GTF2IRD1: variants seen among roughly 807,000 people sequenced by gnomAD.
GTF2IRD1 encodes the protein GTF2I repeat domain containing 1.
In GTF2IRD1, 26 loss-of-function variants were observed where a neutral mutation model predicts 113.2. The observed-to-expected ratio is 0.23, with a 90% confidence interval of 0.17 to 0.32. The LOEUF is 0.32. Ranked by LOEUF, GTF2IRD1 falls within the 10% of genes least tolerant of loss-of-function variation. The pLI, the probability that GTF2IRD1 is intolerant of heterozygous loss-of-function variation, is 1.00. For missense variants in GTF2IRD1, 864 were observed against 1,280.8 expected, an observed-to-expected ratio of 0.67 and a Z score of 4.97; for synonymous variants, 484 against 529.1, an observed-to-expected ratio of 0.91 and a Z score of 1.17.
chr7:74,454,261 G>C (rs1302712971), intron 1 of GTF2IRD1, 85 bp downstream of exon 1: 2 of 63,710 alleles, frequency 3.1e-5, no homozygotes, highest in South Asian at 3.5e-4. Context: ...TCCGCCTCCG[G>C]GGGGGGGGGT....
At chr7:74,504,054 C>G (rs1043867609) in intron 1 of GTF2IRD1, among the ~76,000 whole-genome samples, 1 of 152,164 alleles carries the variant, frequency 6.6e-6, no homozygotes, top group Non-Finnish European at 1.5e-5. Context: ...ATAATGATGT[C>G]CAGCTACTTC....
chr7:74,513,080 G>A (rs1796727479), intron 3 of GTF2IRD1, 109 bp downstream of exon 3: 2 of 1,039,774 alleles, frequency 1.9e-6, no homozygotes, highest in Non-Finnish European at 2.8e-6. Flanking sequence ...CGGTGTGTGG[G>A]GAGTGAACCT....
intron 1 of GTF2IRD1, among the ~76,000 whole-genome samples, chr7:74,504,282 A>G (rs1554340403): frequency 7.2e-5 from 11 of 152,112 alleles, no homozygotes. Context: ...CATTTGGGAT[A>G]TTTCTCTTCC....
intron 6 of GTF2IRD1, among the ~76,000 whole-genome samples, chr7:74,520,089 CAAAAAAAAAAAAAAAAA>C (rs61019711): frequency 2.8e-4 from 7 of 24,590 alleles, no homozygotes; most frequent in South Asian, 4.2e-3. Flanking sequence ...AGCTCTGTCT[CAAAAAAAAAAAAAAAAA>C]AAAAAAAAAA....
chr7:74,530,622 G>C (rs587741087), intron 9 of GTF2IRD1, among the ~76,000 whole-genome samples: 25 of 148,904 alleles, frequency 1.7e-4, no homozygotes, highest in African/African-American at 2.2e-4. Flanking sequence ...CGGCAGGGGT[G>C]GGGGGAAGGG....
chr7:74,578,680 T>A (rs1177854415), intron 22 of GTF2IRD1, among the ~76,000 whole-genome samples: 1 of 152,170 alleles, frequency 6.6e-6, no homozygotes, highest in Non-Finnish European at 1.5e-5. Flanking sequence ...GCTTCCATTG[T>A]TTTGCTGTTA....
intron 1 of GTF2IRD1, among the ~76,000 whole-genome samples, chr7:74,460,133 G>A (rs1199575997): frequency 1.3e-5 from 2 of 151,660 alleles, no homozygotes; most frequent in Non-Finnish European, 2.9e-5. Flanking sequence ...ACGCCACCGT[G>A]CCCGGCTAAT....
At chr7:74,492,257 G>A (rs1554336915) in intron 1 of GTF2IRD1, among the ~76,000 whole-genome samples, 1 of 148,934 alleles carries the variant, frequency 6.7e-6, no homozygotes, top group East Asian at 2.0e-4. Flanking sequence ...CGCAAGCTCT[G>A]CCTCCCGGGT....
At chr7:74,594,663 C>T (rs1366989330) in intron 24 of GTF2IRD1, among the ~76,000 whole-genome samples, 1 of 152,076 alleles carries the variant, frequency 6.6e-6, no homozygotes, top group African/African-American at 2.4e-5. Flanking sequence ...CAGCCAGACA[C>T]CTGGATTCTC....
intron 7 of GTF2IRD1, among the ~76,000 whole-genome samples, chr7:74,522,302 G>A (rs759757279): frequency 6.6e-6 from 1 of 151,688 alleles, no homozygotes; most frequent in African/African-American, 2.4e-5. Flanking sequence ...CTGAGTGTAG[G>A]AAAGTTTGGG....
At chr7:74,461,948 C>A (rs1185791595) in intron 1 of GTF2IRD1, among the ~76,000 whole-genome samples, 2 of 152,178 alleles carry the variant, frequency 1.3e-5, no homozygotes, top group Non-Finnish European at 2.9e-5. Flanking sequence ...TTGCCTGGCT[C>A]ACACCCTTAT....
chr7:74,496,406 C>T (rs542470123), intron 1 of GTF2IRD1, among the ~76,000 whole-genome samples: 1 of 128,640 alleles, frequency 7.8e-6, no homozygotes, highest in African/African-American at 3.1e-5. Flanking sequence ...GGTGTGTGTG[C>T]ATGTGGGTGT....
intron 25 of GTF2IRD1, among the ~76,000 whole-genome samples, chr7:74,597,511 A>T (rs1562904216): frequency 1.3e-5 from 2 of 151,276 alleles, no homozygotes; most frequent in Non-Finnish European, 2.9e-5. Context: ...ACACCCAGCT[A>T]ATTTTTTGTA....
chr7:74,557,409 C>G (rs1365685843), intron 19 of GTF2IRD1, among the ~76,000 whole-genome samples: 1 of 152,194 alleles, frequency 6.6e-6, no homozygotes, highest in Non-Finnish European at 1.5e-5. Context: ...CAAATGTCAT[C>G]AATTAACTTA....
chr7:74,510,251 G>A (rs1796545699), intron 2 of GTF2IRD1, among the ~76,000 whole-genome samples: 1 of 151,912 alleles, frequency 6.6e-6, no homozygotes, highest in South Asian at 2.1e-4. Flanking sequence ...AGGTGTGGCT[G>A]ATGTGGGCAG....
At chr7:74,508,675 G>A (rs1359879328) in intron 2 of GTF2IRD1, among the ~76,000 whole-genome samples, 13 of 147,814 alleles carry the variant, frequency 8.8e-5, no homozygotes, top group Admixed American at 6.9e-4. Context: ...TGGGTGACAG[G>A]GCAAGACTCC....
At chr7:74,563,613 C>G (rs1446836999) in intron 22 of GTF2IRD1, among the ~76,000 whole-genome samples, 11 of 150,464 alleles carry the variant, frequency 7.3e-5, no homozygotes, top group Non-Finnish European at 1.6e-4. Flanking sequence ...AAACCAGGAA[C>G]AGTGGTTCAC....
At chr7:74,538,583 C>A (rs587611600) in intron 12 of GTF2IRD1, 97 bp from the exon 13 acceptor site, 3 of 835,840 alleles carry the variant, frequency 3.6e-6, no homozygotes, top group African/African-American at 1.7e-5. Flanking sequence ...TAGGGCCTCA[C>A]TAACAAGTTA....
intron 17 of GTF2IRD1, among the ~76,000 whole-genome samples, chr7:74,550,662 C>G (rs1244875688): frequency 6.6e-6 from 1 of 151,628 alleles, no homozygotes. Flanking sequence ...AATCCCAACA[C>G]CTTGGGAGGC....
Sources: allele counts gnomAD v4.1 joint callset (sites outside exome capture counted in the v4.1 genomes callset), GRCh38; gene constraint gnomAD v4.1.1; transcripts MANE v1.5; gene names NCBI Gene and HGNC (gene_info 2026-07-23, HGNC 2026-07-21).